Variants in TM9SF2 observed in about 807,000 individuals in gnomAD.
TM9SF2 encodes transmembrane 9 superfamily member 2, also known as 76 kDa membrane protein.
A neutral mutation model predicts 84.9 loss-of-function variants in TM9SF2; 13 were observed. That is an observed-to-expected ratio of 0.15 (90% CI 0.10 to 0.24). The LOEUF (loss-of-function observed/expected upper bound fraction) is 0.24, where lower values mean the gene tolerates loss of function less well. TM9SF2 is among the 10% of genes least tolerant of loss of function. The pLI is 1.00. For synonymous variants in TM9SF2, 273 were observed against 285.8 expected, an observed-to-expected ratio of 0.96 and a Z score of 0.45; for missense variants, 562 against 818.5, an observed-to-expected ratio of 0.69 and a Z score of 3.82.
In TM9SF2 at chr13:99,541,531, A is replaced by G. The variant is rs2046259602; in HGVS notation, c.909-28A>G. On this transcript the variant is annotated intron_variant, in intron 8 of 16. Coordinates refer to ENST00000376387, the MANE Select transcript of TM9SF2 (RefSeq NM_004800.3). ...TACTGTTCCTAGGATTAAGCTACAG[A>G]TTACTCATGATGTGCTTATTTCTAC... The G allele has an allele frequency of 2.6e-6, 4 of 1,510,142 alleles. No individual in the cohort carries two copies. In the Admixed American group the frequency reaches 7.0e-5, roughly 26 times the overall value. The allele number at this position is 1,510,142 out of a possible 1,614,324, so 93.5% of individuals were successfully genotyped here.
chr13:99,505,961 G>C (rs2046087108), intron 1 of TM9SF2, among the ~76,000 whole-genome samples: 1 of 152,170 alleles, frequency 6.6e-6, no homozygotes, highest in African/African-American at 2.4e-5. Context: ...TTAGATGAAA[G>C]ATTAAGATTT....
intron 15 of TM9SF2, among the ~76,000 whole-genome samples, chr13:99,558,706 G>A (rs1261895943): frequency 4.0e-5 from 6 of 149,936 alleles, no homozygotes; most frequent in Non-Finnish European, 4.5e-5. Context: ...TGCATTTGTT[G>A]ATTAGCTGTT....
chr13:99,541,799 T>A (rs2139099070), intron 9 of TM9SF2, 132 bp downstream of exon 9: 1 of 562,154 alleles, frequency 1.8e-6, no homozygotes, highest in South Asian at 2.5e-5. Context: ...AACAAAAAAA[T>A]TCTTCTCAAA....
chr13:99,532,182 G>A (rs1255170899), intron 4 of TM9SF2, among the ~76,000 whole-genome samples: 1 of 151,704 alleles, frequency 6.6e-6, no homozygotes, highest in Non-Finnish European at 1.5e-5. Flanking sequence ...CTCCCGAGTA[G>A]CTGGGACTAC....
chr13:99,548,193 C>A (rs1382916492), intron 11 of TM9SF2, among the ~76,000 whole-genome samples: 4 of 152,138 alleles, frequency 2.6e-5, no homozygotes, highest in Non-Finnish European at 5.9e-5. Context: ...TGCCTGCTTT[C>A]CCACACCCTG....
chr13:99,523,237 G>C (rs1412914435), intron 3 of TM9SF2, among the ~76,000 whole-genome samples: 1 of 152,062 alleles, frequency 6.6e-6, no homozygotes, highest in African/African-American at 2.4e-5. Context: ...CTGCAGCCTT[G>C]AACTCCCAGG....
At position 99,546,946 on chromosome 13, in the gene TM9SF2, AGTAATAACAT is replaced by A. The variant is rs2139103834; in HGVS notation, c.1151-35_1151-26del. 6 of 1,612,296 alleles carry A rather than the reference AGTAATAACAT, an allele frequency of 3.7e-6. 1 individual carries two copies. The highest frequency in any genetic ancestry group is 5.1e-6 in the Non-Finnish European group (6 of 1,178,554). ...TATCATTTCACAGCAAAGGAAACAG[AGTAATAACAT>A]GTACAGCCTTTCACGATTTGTGTTT... On this transcript the variant is annotated intron_variant, in intron 10 of 16. Transcript: ENST00000376387.
At chr13:99,540,644 G>A (rs1252899122) in intron 7 of TM9SF2, 70 bp from the exon 8 acceptor site, 28 of 1,285,946 alleles carry the variant, frequency 2.2e-5, no homozygotes, top group African/African-American at 3.0e-5. Context: ...AGCTTTGAAT[G>A]GGATTTTTTT....
At chr13:99,538,583 G>T (rs1272909943) in intron 6 of TM9SF2, among the ~76,000 whole-genome samples, 1 of 151,682 alleles carries the variant, frequency 6.6e-6, no homozygotes, top group African/African-American at 2.4e-5. Flanking sequence ...ATCACTTGAG[G>T]CCAGGAGTTC....
intron 15 of TM9SF2, among the ~76,000 whole-genome samples, chr13:99,557,793 G>A (rs779282888): frequency 2.6e-5 from 4 of 152,092 alleles, no homozygotes; most frequent in Non-Finnish European, 5.9e-5. Flanking sequence ...CTTGAGCCCA[G>A]GAGGGCTTCA....
chr13:99,512,560 C>T (rs964140845), intron 1 of TM9SF2, among the ~76,000 whole-genome samples: 1 of 152,204 alleles, frequency 6.6e-6, no homozygotes, highest in Non-Finnish European at 1.5e-5. Flanking sequence ...GAAAACCCCC[C>T]GTGGGCTATG....
intron 15 of TM9SF2, among the ~76,000 whole-genome samples, chr13:99,557,004 A>T (rs1419843543): frequency 6.6e-6 from 1 of 152,290 alleles, no homozygotes; most frequent in Non-Finnish European, 1.5e-5. Flanking sequence ...ACATTCATGT[A>T]CAAGTGTTCG....
At chr13:99,535,201 AT>A (rs925877981) in intron 4 of TM9SF2, among the ~76,000 whole-genome samples, 13 of 151,750 alleles carry the variant, frequency 8.6e-5, no homozygotes, top group East Asian at 3.9e-4. Flanking sequence ...TTTCAAAGGG[AT>A]TTTTTTTTAA....
At chr13:99,533,413 A>G (rs2046219452) in intron 4 of TM9SF2, among the ~76,000 whole-genome samples, 2 of 152,302 alleles carry the variant, frequency 1.3e-5, no homozygotes, top group Non-Finnish European at 1.5e-5. Context: ...TGCAACTAAA[A>G]TATTGTACAC....
At chr13:99,562,490 C>T (rs1328976244) in intron 16 of TM9SF2, among the ~76,000 whole-genome samples, 2 of 151,958 alleles carry the variant, frequency 1.3e-5, no homozygotes, top group South Asian at 2.1e-4. Flanking sequence ...GAAAAAAGTT[C>T]TACCAATTTT....
At chr13:99,555,722 A>G in intron 15 of TM9SF2, 75 bp downstream of exon 15, 1 of 876,804 alleles carries the variant, frequency 1.1e-6, no homozygotes, top group Non-Finnish European at 1.7e-6. Context: ...TATATTATTA[A>G]TTAAAATAAT....
intron 1 of TM9SF2, among the ~76,000 whole-genome samples, chr13:99,510,361 C>T (rs77197454): frequency 0.097 from 14,731 of 152,188 alleles, 863 homozygotes; most frequent in East Asian, 0.21. Context: ...AACAACACCC[C>T]ATCCTCGGCA....
intron 4 of TM9SF2, among the ~76,000 whole-genome samples, chr13:99,531,733 A>G (rs980685731): frequency 6.6e-6 from 1 of 152,154 alleles, no homozygotes; most frequent in South Asian, 2.1e-4. Context: ...CCTCAGTGCA[A>G]ATAGGAACTT....
At chr13:99,503,412 T>C (rs1354324531) in intron 1 of TM9SF2, among the ~76,000 whole-genome samples, 1 of 152,140 alleles carries the variant, frequency 6.6e-6, no homozygotes, top group Non-Finnish European at 1.5e-5. Context: ...GAAAGCTCTA[T>C]AGAAGAAGTG....
Sources: allele counts gnomAD v4.1 joint callset (sites outside exome capture counted in the v4.1 genomes callset), GRCh38; gene constraint gnomAD v4.1.1; transcripts MANE v1.5; gene names NCBI Gene and HGNC (gene_info 2026-07-23, HGNC 2026-07-21).